KANK1: variants seen among roughly 807,000 people sequenced by gnomAD.
KANK1 encodes KN motif and ankyrin repeat domains 1, also known as KN motif and ankyrin repeat domain-containing protein 1.
Under a neutral mutation model 106.2 loss-of-function variants are expected in KANK1, and 109 were observed. That is an observed-to-expected ratio of 1.03 (90% CI 0.88 to 1.20). The LOEUF is 1.20. Among genes scored for constraint, KANK1 ranks in the 50% most tolerant of loss-of-function variants. KANK1 has a pLI of 0.00. For missense variants in KANK1, 2,399 were observed against 1,710.7 expected, an observed-to-expected ratio of 1.40 and a Z score of -7.10; for synonymous variants, 873 against 652.2, an observed-to-expected ratio of 1.34 and a Z score of -5.16.
intron 11 of KANK1, 166 bp downstream of exon 11, chr9:744,755 G>C: frequency 1.3e-6 from 2 of 1,508,548 alleles, no homozygotes; most frequent in South Asian, 1.3e-5. Context: ...CCCGCAAAAA[G>C]CAGGAGAACT....
chr9:595,155 T>C (rs925691195), intron 1 of KANK1, among the ~76,000 whole-genome samples: 1 of 151,934 alleles, frequency 6.6e-6, no homozygotes, highest in African/African-American at 2.4e-5. Flanking sequence ...GGCACATGAC[T>C]GTAGTCCCAG....
chr9:712,260 G>T lies in KANK1; in HGVS notation c.1494G>T (p.Arg498Ser). 1 of 1,614,140 alleles carries T rather than the reference G, an allele frequency of 6.2e-7. No individual in the cohort carries two copies. The highest frequency in any genetic ancestry group is 1.1e-5 in the South Asian group (1 of 91,076). The change falls in exon 3 of 12, where the codon AGG becomes AGT. Residue 498 changes from arginine to serine, a missense_variant. Arg to Ser is a moderately radical substitution (Grantham distance 110, BLOSUM62 -1). Transcript: ENST00000382297. ...LKQELQAAGS[R>S]KKVDKATMAQ... ...AAGAGCTGCAGGCTGCTGGATCGAG[G>T]AAAAAGGTTGACAAAGCCACGATGG...
At chr9:621,769 T>G (rs1318788702) in intron 1 of KANK1, among the ~76,000 whole-genome samples, 1 of 152,106 alleles carries the variant, frequency 6.6e-6, no homozygotes, top group Non-Finnish European at 1.5e-5. Flanking sequence ...CCAGCCCTGC[T>G]TACTCACTCG....
chr9:527,164 C>G (rs2133381456), intron 1 of KANK1, among the ~76,000 whole-genome samples: 1 of 151,844 alleles, frequency 6.6e-6, no homozygotes, highest in South Asian at 2.1e-4. Flanking sequence ...GTCCATTCAT[C>G]CTTTCTTCCT....
chr9:733,526 G>T, intron 6 of KANK1: 1 of 152,344 alleles, frequency 6.6e-6, no homozygotes, highest in Non-Finnish European at 1.5e-5. Context: ...CAGCACGATG[G>T]ATATATGGTA....
At chr9:515,143 A>G (rs1205550756) in intron 1 of KANK1, among the ~76,000 whole-genome samples, 1 of 151,668 alleles carries the variant, frequency 6.6e-6, no homozygotes, top group Non-Finnish European at 1.5e-5. Flanking sequence ...GGAGATCAAG[A>G]CCATCCTGGC....
chr9:652,922 G>A (rs1304885581), intron 1 of KANK1, among the ~76,000 whole-genome samples: 1 of 152,192 alleles, frequency 6.6e-6, no homozygotes, highest in Non-Finnish European at 1.5e-5. Context: ...TGAGTTAGAG[G>A]AGAACACAGA....
At chr9:740,993 G>T (rs909374439) in intron 9 of KANK1, 59 bp downstream of exon 9, 4 of 1,589,598 alleles carry the variant, frequency 2.5e-6, no homozygotes, top group Non-Finnish European at 2.6e-6. Flanking sequence ...ACAGGACTGC[G>T]GTGGCCATTC....
At chr9:513,005 G>A (rs886950110) in intron 1 of KANK1, among the ~76,000 whole-genome samples, 1 of 152,190 alleles carries the variant, frequency 6.6e-6, no homozygotes, top group African/African-American at 2.4e-5. Flanking sequence ...TTGTTGAAGG[G>A]TATGGTGTTG....
intron 2 of KANK1, among the ~76,000 whole-genome samples, chr9:472,980 GTAAAGCTCAC>G (rs1284731691): frequency 6.6e-6 from 1 of 152,244 alleles, no homozygotes; most frequent in African/African-American, 2.4e-5. Context: ...TGTTATTCAA[GTAAAGCTCAC>G]TAAAGCTCTT....
intron 1 of KANK1, among the ~76,000 whole-genome samples, chr9:607,250 C>G (rs771414983): frequency 3.3e-5 from 5 of 151,656 alleles, no homozygotes; most frequent in African/African-American, 1.2e-4. Flanking sequence ...TTTTGGGAGG[C>G]CAAGGCGGGT....
At chr9:577,673 T>A (rs1374155840) in intron 1 of KANK1, among the ~76,000 whole-genome samples, 2 of 152,134 alleles carry the variant, frequency 1.3e-5, no homozygotes, top group Non-Finnish European at 2.9e-5. Flanking sequence ...ACTTGGAAAC[T>A]TGGTAGAAGT....
intron 1 of KANK1, among the ~76,000 whole-genome samples, chr9:671,982 G>T (rs546508664): frequency 6.6e-5 from 10 of 152,280 alleles, no homozygotes; most frequent in African/African-American, 2.4e-4. Flanking sequence ...ATTCCGAGAT[G>T]CAGCTTTCTT....
At chr9:728,912 C>T (rs541695567) in intron 3 of KANK1, among the ~76,000 whole-genome samples, 4 of 152,254 alleles carry the variant, frequency 2.6e-5, no homozygotes, top group Non-Finnish European at 5.9e-5. Context: ...TAGTGTATAC[C>T]TTACATGCAT....
rs200381695 is a variant in KANK1 at position 730,168 on chromosome 9, G to C, written c.2816G>C (p.Ser939Thr). ...ACCTCAGAAGGAAAGCCAATCAGCA[G>C]CCTGGATGCCTTCCCCACTCAGGAA... ...VGTSEGKPIS[S>T]LDAFPTQEGT... Residue 939 changes from serine to threonine, a missense_variant, in exon 4 of 12, where the codon AGC (serine) becomes ACC (threonine). Physicochemically the swap from Ser to Thr is moderately conservative, Grantham distance 58. Transcript: ENST00000382297. The C allele has an allele frequency of 1.2e-6, 2 of 1,614,094 alleles. No individual in the cohort carries two copies. The highest frequency in any genetic ancestry group is 1.3e-5 in the African/African-American group (1 of 74,934).
chr9:535,713 T>C (rs981383964), intron 1 of KANK1, among the ~76,000 whole-genome samples: 1 of 152,252 alleles, frequency 6.6e-6, no homozygotes, highest in Non-Finnish European at 1.5e-5. Context: ...GCAAATGGGC[T>C]GTAGAATCAT....
At chr9:718,628 G>A (rs1178110014) in intron 3 of KANK1, among the ~76,000 whole-genome samples, 2 of 151,870 alleles carry the variant, frequency 1.3e-5, no homozygotes, top group African/African-American at 2.4e-5. Context: ...ATTTTAGAAA[G>A]GGAGATTGTG....
At chr9:597,722 G>C (rs965886147) in intron 1 of KANK1, among the ~76,000 whole-genome samples, 2 of 151,216 alleles carry the variant, frequency 1.3e-5, no homozygotes, top group Non-Finnish European at 2.9e-5. Context: ...GGAGTACAGT[G>C]GCAAGATCTT....
intron 3 of KANK1, among the ~76,000 whole-genome samples, chr9:473,927 T>G (rs2058062571): frequency 6.6e-6 from 1 of 152,006 alleles, no homozygotes; most frequent in Non-Finnish European, 1.5e-5. Flanking sequence ...CTCGATCTCT[T>G]GACCTTGTGA....
Sources: gnomAD v4.1 joint callset for allele counts (sites outside exome capture counted in the v4.1 genomes callset) on GRCh38, gnomAD v4.1.1 for gene constraint, MANE v1.5 for transcripts, NCBI Gene and HGNC (gene_info 2026-07-23, HGNC 2026-07-21) for gene names.